The following LARP4B variants were observed in gnomAD, a reference collection of about 807,000 sequenced individuals.
LARP4B encodes the protein La ribonucleoprotein 4B.
A neutral mutation model predicts 89.8 loss-of-function variants in LARP4B; 12 were observed. The ratio of observed to expected loss-of-function variants is 0.13; its 90% CI spans 0.09 to 0.22. The LOEUF (loss-of-function observed/expected upper bound fraction) is 0.22. LARP4B is among the 10% of genes least tolerant of loss of function. LARP4B has a pLI of 1.00. For missense variants in LARP4B, 757 were observed against 947.7 expected (o/e 0.80, Z 2.64); for synonymous variants, 367 against 363.3 (o/e 1.01, Z -0.12).
At chr10:936,470 A>C (rs1259149261), upstream of LARP4B, among the ~76,000 whole-genome samples, 2 of 152,210 alleles carry the variant, frequency 1.3e-5, no homozygotes, top group Non-Finnish European at 2.9e-5. Context: ...CTATAATCCC[A>C]GCATGTTGGG....
intron 1 of LARP4B, among the ~76,000 whole-genome samples, chr10:889,516 CAG>C (rs1369671375): frequency 1.3e-5 from 2 of 152,218 alleles, no homozygotes; most frequent in African/African-American, 2.4e-5. Context: ...CAACTCCACA[CAG>C]ACAGTGGTCC....
At position 810,317 on chromosome 10, in the gene LARP4B, G is replaced by C. The variant is rs1483418514; in HGVS notation, c.*2609C>G. On this transcript the variant is annotated 3_prime_UTR_variant, in exon 18 of 18. Coordinates refer to ENST00000316157, the MANE Select transcript of LARP4B (RefSeq NM_015155.3). Reference sequence around the variant, plus strand: ...CTTGAAGTAGTATCAGGTTTTTTCAGACATTATATAGCAATCTGTATTTCA... The same window carrying C: ...CTTGAAGTAGTATCAGGTTTTTTCACACATTATATAGCAATCTGTATTTCA... The C allele has an allele frequency of 6.6e-6, 1 of 152,158 alleles. No individual in the cohort carries two copies. Among genetic ancestry groups the C allele is most frequent in the Non-Finnish European group, 1.5e-5 (1 of 68,036 alleles). The allele number at this position is 152,158 out of a possible 1,614,324, so 9.4% of individuals were successfully genotyped here. A position where few individuals can be genotyped will look rare whatever the true frequency, so the allele number is the denominator to read the frequency against.
chr10:906,765 T>C (rs554210448), intron 1 of LARP4B, among the ~76,000 whole-genome samples: 2 of 152,374 alleles, frequency 1.3e-5, no homozygotes, highest in East Asian at 1.9e-4. Flanking sequence ...ATCTCTCTTA[T>C]TGAAGGACAT....
chr10:878,447 T>C (rs1835541519), intron 3 of LARP4B, among the ~76,000 whole-genome samples: 1 of 151,650 alleles, frequency 6.6e-6, no homozygotes, highest in Admixed American at 6.6e-5. Context: ...CTCATGTATC[T>C]CATCTACACA....
chr10:888,279 A>G (rs1835920372), intron 1 of LARP4B, among the ~76,000 whole-genome samples: 2 of 151,832 alleles, frequency 1.3e-5, no homozygotes, highest in African/African-American at 4.8e-5. Context: ...CTGAGATCAC[A>G]CCACGGCACT....
chr10:842,199 AT>A (rs35178357), intron 7 of LARP4B, among the ~76,000 whole-genome samples: 2,097 of 144,136 alleles, frequency 0.015, 27 homozygotes, highest in African/African-American at 0.036. Context: ...TCACAACATA[AT>A]TTTTTTTTTT....
At chr10:972,386 C>T in the LARP4B span, 1 of 421,046 alleles carries the variant, frequency 2.4e-6, no homozygotes, top group South Asian at 1.8e-5. Context: ...ATGCTGGCAC[C>T]ATGCTCTTGG....
In LARP4B at chr10:825,813, G is replaced by C. The variant is rs1320677377; in HGVS notation, c.1183C>G (p.Pro395Ala). The change falls in exon 12 of 18, where the codon CCT becomes GCT. Residue 395 changes from proline to alanine, a missense_variant. Physicochemically the swap from Pro to Ala is conservative, Grantham distance 27. Transcript: ENST00000316157. ...AGAGAAGTCAGAGGAGACGCCGCAG[G>C]CTTGAACGCTGGAGACGTAAACCCA... is the stretch of plus-strand genomic sequence containing the variant. Reference protein sequence around the residue: ...INGFTSPAFKPAASPLTSLRQ... With the variant: ...INGFTSPAFKAAASPLTSLRQ... 6.2e-7 allele frequency: 1 copy of C among 1,613,932 alleles called. No individual in the cohort carries two copies. The highest frequency in any genetic ancestry group is 1.6e-4 in the Middle Eastern group (1 of 6,062).
chr10:857,574 CAGGTCGGGTGG>C (rs1333810050), intron 5 of LARP4B, among the ~76,000 whole-genome samples: 4 of 152,322 alleles, frequency 2.6e-5, no homozygotes, highest in African/African-American at 7.2e-5. Flanking sequence ...ATTTTCGGAT[CAGGTCGGGTGG>C]CCGGTCTGAA....
intron 1 of LARP4B, among the ~76,000 whole-genome samples, chr10:915,717 T>C (rs61830956): frequency 6.8e-5 from 10 of 147,694 alleles, no homozygotes; most frequent in African/African-American, 2.3e-4. Context: ...GGCAAGAGAA[T>C]AGCGACTCAG....
At chr10:883,324 C>T (rs1046120304) in intron 3 of LARP4B, among the ~76,000 whole-genome samples, 1 of 151,998 alleles carries the variant, frequency 6.6e-6, no homozygotes, top group Non-Finnish European at 1.5e-5. Flanking sequence ...CCAGCCTGAC[C>T]GACATGGTGA....
At chr10:945,698 A>C in the LARP4B span, among the ~76,000 whole-genome samples, 3 of 151,844 alleles carry the variant, frequency 2.0e-5, no homozygotes, top group Admixed American at 6.6e-5. Flanking sequence ...AGAAAAAAAA[A>C]AAAAAGACAT....
At chr10:850,941 C>T (rs1834014480) in intron 5 of LARP4B, among the ~76,000 whole-genome samples, 1 of 151,976 alleles carries the variant, frequency 6.6e-6, no homozygotes, top group Non-Finnish European at 1.5e-5. Flanking sequence ...AACAATGCAT[C>T]TAAATTTGAG....
intron 1 of LARP4B, among the ~76,000 whole-genome samples, chr10:906,206 G>GA (rs1836488439): frequency 6.6e-6 from 1 of 152,154 alleles, no homozygotes; most frequent in South Asian, 2.1e-4. Flanking sequence ...AAAACCCTCT[G>GA]AATAGTACAA....
chr10:817,427 G>A (rs1296480869), intron 15 of LARP4B, among the ~76,000 whole-genome samples: 2 of 152,158 alleles, frequency 1.3e-5, no homozygotes, highest in Non-Finnish European at 2.9e-5. Context: ...AGGCAGGTCT[G>A]AACTACAACA....
intron 1 of LARP4B, among the ~76,000 whole-genome samples, chr10:901,839 T>C (rs1006470115): frequency 1.3e-5 from 2 of 152,008 alleles, no homozygotes; most frequent in Admixed American, 6.6e-5. Context: ...AAAATGTGAG[T>C]TTTATTTATA....
intron 1 of LARP4B, among the ~76,000 whole-genome samples, chr10:915,695 T>C (rs538383829): frequency 6.7e-6 from 1 of 149,476 alleles, no homozygotes; most frequent in Admixed American, 6.6e-5. Context: ...TCCCAGCTAC[T>C]CAGGAGGCTG....
chr10:819,650 C>G (rs565548560), intron 14 of LARP4B: 1 of 152,262 alleles, frequency 6.6e-6, no homozygotes, highest in African/African-American at 2.4e-5. Flanking sequence ...AACATCACGG[C>G]AGGCACAACA....
chr10:879,154 T>C (rs924010884), intron 3 of LARP4B, among the ~76,000 whole-genome samples: 4 of 152,266 alleles, frequency 2.6e-5, no homozygotes, highest in Non-Finnish European at 4.4e-5. Flanking sequence ...GTATGTGTTA[T>C]AGAAGGCATT....
Sources: gnomAD v4.1 joint callset for allele counts (sites outside exome capture counted in the v4.1 genomes callset) on GRCh38, gnomAD v4.1.1 for gene constraint, MANE v1.5 for transcripts, NCBI Gene and HGNC (gene_info 2026-07-23, HGNC 2026-07-21) for gene names.